LAMA2: variants seen among roughly 807,000 people sequenced by gnomAD.
The protein encoded by LAMA2 is laminin subunit alpha 2.
LAMA2 carries 269 observed loss-of-function variants against 364.8 expected under a neutral mutation model. The observed-to-expected ratio is 0.74, with a 90% CI of 0.67 to 0.82. The LOEUF (loss-of-function observed/expected upper bound fraction) is 0.82, where lower values mean the gene tolerates loss of function less well. Ranked by LOEUF, LAMA2 falls within the 40% of genes least tolerant of loss-of-function variation. The probability of loss-of-function intolerance (pLI) is 0.00; values close to 1 mark genes in which losing one functional copy is unlikely to be tolerated. For synonymous variants in LAMA2, 1,379 were observed against 1,370.6 expected (o/e 1.01, Z -0.14); for missense variants, 3,807 against 3,873.2 (o/e 0.98, Z 0.45).
At chr6:129,315,274 A>T (rs1032204450) in intron 24 of LAMA2, among the ~76,000 whole-genome samples, 1 of 152,176 alleles carries the variant, frequency 6.6e-6, no homozygotes, top group African/African-American at 2.4e-5. Context: ...GTGTCCACAG[A>T]TATTGTGGCT....
At chr6:129,021,518 C>T (rs1785449036) in intron 1 of LAMA2, among the ~76,000 whole-genome samples, 1 of 152,134 alleles carries the variant, frequency 6.6e-6, no homozygotes, top group Non-Finnish European at 1.5e-5. Context: ...AAGAAGCTCT[C>T]ATGTTATTTT....
In LAMA2 at chr6:129,177,707, T is replaced by C; in HGVS notation, c.1308T>C (p.Gly436=). The C allele has an allele frequency of 6.2e-7, 1 of 1,613,912 alleles. No individual in the cohort carries two copies. Among genetic ancestry groups the C allele is most frequent in the Non-Finnish European group, 8.5e-7 (1 of 1,179,890 alleles). The change falls in exon 10 of 65, where the codon GGT becomes GGC. Residue 436 remains glycine (G), a splice_region_variant and synonymous_variant. Coordinates refer to ENST00000421865, the MANE Select transcript of LAMA2 (RefSeq NM_000426.4). ...CVKDEKHARR[G]LAPGSCHCKT... ...GATATGTGGCTCATCTTTCTTTAGG[T>C]TTGGCACCTGGATCCTGTCATTGCA...
At chr6:128,995,915 G>T (rs1444567005) in intron 1 of LAMA2, among the ~76,000 whole-genome samples, 2 of 152,076 alleles carry the variant, frequency 1.3e-5, no homozygotes, top group African/African-American at 4.8e-5. Flanking sequence ...TTTTTGACAG[G>T]TATATAGTCA....
rs780228051 is a variant in LAMA2 at position 129,438,678 on chromosome 6, A to G, written c.6001A>G (p.Arg2001Gly). ...NEDHLNGLKTRIENADARNGD... is the reference protein window; with the variant it reads ...NEDHLNGLKTGIENADARNGD... ...AGACCATCTAAATGGCTTAAAAACCAGGATAGAAAATGCTGATGCTAGAAA... is the reference window on the plus strand; with the variant it reads ...AGACCATCTAAATGGCTTAAAAACCGGGATAGAAAATGCTGATGCTAGAAA... Residue 2001 changes from arginine to glycine, a missense_variant, in exon 42 of 65, where the codon AGG (arginine) becomes GGG (glycine). By Grantham distance (125) the Arg-to-Gly change is moderately radical. This residue lies in a region of LAMA2 where 3,333 missense variants were observed against 3,345.7 expected (regional missense o/e 1.00). Transcript: ENST00000421865. 3 of 1,607,894 alleles carry G rather than the reference A, an allele frequency of 1.9e-6. No individual in the cohort carries two copies. The highest frequency in any genetic ancestry group is 2.2e-5 in the East Asian group (1 of 44,736).
At position 129,327,493 on chromosome 6, in the gene LAMA2, T is replaced by C. The variant is rs80128242; in HGVS notation, c.4177-785T>C. On this transcript the variant is annotated intron_variant, in intron 28 of 64. Coordinates refer to ENST00000421865, the MANE Select transcript of LAMA2 (RefSeq NM_000426.4). Reference sequence around the variant, plus strand: ...TGAAAAACTGACTCCTACCTTTTATTCATAAATCAAGCAATGTCTGCAGCT... The same window carrying C: ...TGAAAAACTGACTCCTACCTTTTATCCATAAATCAAGCAATGTCTGCAGCT... Among the ~76,000 whole-genome samples the C allele has an allele frequency of 4.1e-3, 627 of 152,284 alleles. 2 individuals carry two copies. The highest frequency in any genetic ancestry group is 0.014 in the African/African-American group (600 of 41,558).
At chr6:128,890,291 T>A (rs1776374285) in intron 1 of LAMA2, among the ~76,000 whole-genome samples, 1 of 152,170 alleles carries the variant, frequency 6.6e-6, no homozygotes, top group African/African-American at 2.4e-5. Context: ...GCCCAGCAAC[T>A]TGTCAAGGAC....
At chr6:129,316,243 C>A in intron 27 of LAMA2, 72 bp downstream of exon 27, 1 of 1,213,268 alleles carries the variant, frequency 8.2e-7, no homozygotes, top group Non-Finnish European at 1.2e-6. Flanking sequence ...CTACAGATAT[C>A]AGATAAGAAA....
intron 58 of LAMA2, among the ~76,000 whole-genome samples, chr6:129,495,283 G>A: frequency 6.6e-6 from 1 of 152,096 alleles, no homozygotes; most frequent in East Asian, 1.9e-4. Context: ...TTTGAAAATA[G>A]CTAAGTCTTC....
At chr6:129,383,578 GTCA>G (rs1402997117) in intron 35 of LAMA2, among the ~76,000 whole-genome samples, 3 of 152,190 alleles carry the variant, frequency 2.0e-5, no homozygotes, top group African/African-American at 4.8e-5. Flanking sequence ...GCAAGCTAAT[GTCA>G]TCATTCCACT....
intron 40 of LAMA2, among the ~76,000 whole-genome samples, chr6:129,424,350 A>T (rs1781222341): frequency 6.6e-6 from 1 of 151,866 alleles, no homozygotes; most frequent in Non-Finnish European, 1.5e-5. Context: ...CATATCCTCA[A>T]AAGGAAAACA....
intron 42 of LAMA2, among the ~76,000 whole-genome samples, chr6:129,439,825 C>CATATAT (rs5879948): frequency 0.075 from 9,174 of 122,628 alleles, 349 homozygotes; most frequent in African/African-American, 0.08. Flanking sequence ...ATCAATTGGT[C>CATATAT]ATATATATAT....
intron 22 of LAMA2, among the ~76,000 whole-genome samples, chr6:129,305,791 T>G (rs1216715372): frequency 6.6e-6 from 1 of 152,182 alleles, no homozygotes; most frequent in Non-Finnish European, 1.5e-5. Flanking sequence ...ACTTTGCTAT[T>G]TGCTTTTGCT....
intron 12 of LAMA2, among the ~76,000 whole-genome samples, chr6:129,232,297 G>A (rs546403097): frequency 1.3e-5 from 2 of 152,108 alleles, no homozygotes; most frequent in Non-Finnish European, 2.9e-5. Context: ...CTGCTTAAAT[G>A]ACATTACATA....
Position 129,427,764 on chromosome 6 carries a change from C to A in LAMA2, c.5878C>A (p.Arg1960=), listed in dbSNP as rs1009266672. ...HEATKLATGP[R]GLLKEDAKGC... ...TTTCTGTCCACAGGCAACAGGTCCT[C>A]GGGGTTTATTAAAGGAAGATGCCAA... is the stretch of plus-strand genomic sequence containing the variant. Residue 1960 remains arginine (R), a synonymous_variant, in exon 41 of 65, where the codon CGG becomes AGG. Coordinates refer to ENST00000421865, the MANE Select transcript of LAMA2 (RefSeq NM_000426.4). 6.2e-7 allele frequency: 1 copy of A among 1,612,978 alleles called. No homozygotes were observed. The highest frequency in any genetic ancestry group is 1.7e-5 in the Admixed American group (1 of 59,998).
At chr6:128,997,960 G>A (rs1218978681) in intron 1 of LAMA2, among the ~76,000 whole-genome samples, 1 of 152,094 alleles carries the variant, frequency 6.6e-6, no homozygotes, top group African/African-American at 2.4e-5. Context: ...AGCCAGGAAG[G>A]AGAGAGTGAA....
chr6:128,961,669 C>T (rs1351235697), intron 1 of LAMA2, among the ~76,000 whole-genome samples: 1 of 151,730 alleles, frequency 6.6e-6, no homozygotes, highest in African/African-American at 2.4e-5. Context: ...TTGTGCCCAC[C>T]AGATTAAGGG....
Position 129,098,365 on chromosome 6 carries a change from G to A in LAMA2, c.589G>A (p.Val197Ile). 6.2e-7 allele frequency: 1 copy of A among 1,613,504 alleles called. No individual in the cohort carries two copies. Among genetic ancestry groups the A allele is most frequent in the East Asian group, 2.2e-5 (1 of 44,874 alleles). The change falls in exon 4 of 65, where the codon GTC (valine) becomes ATC (isoleucine). Residue 197 changes from valine to isoleucine, a missense_variant. By Grantham distance (29) the Val-to-Ile change is conservative (BLOSUM62 3). Transcript: ENST00000421865. ...GPPSYAKDDE[V>I]ICTSFYSKIH... ...ACCGTCATATGCCAAAGATGATGAGGTCATCTGCACTTCATTTTACTCCAA... is the reference window on the plus strand; with the variant it reads ...ACCGTCATATGCCAAAGATGATGAGATCATCTGCACTTCATTTTACTCCAA...
chr6:129,213,317 T>C (rs892684006), intron 12 of LAMA2, among the ~76,000 whole-genome samples: 5 of 152,224 alleles, frequency 3.3e-5, no homozygotes, highest in African/African-American at 9.6e-5. Context: ...TCTGGCAATA[T>C]GAATCAAGCT....
chr6:129,010,766 C>A (rs1725548755), intron 1 of LAMA2, among the ~76,000 whole-genome samples: 5 of 152,074 alleles, frequency 3.3e-5, no homozygotes, highest in Admixed American at 3.3e-4. Context: ...TGTGTTTCTC[C>A]TGAGGTAAAA....
Sources: allele counts gnomAD v4.1 joint callset (sites outside exome capture counted in the v4.1 genomes callset), GRCh38; gene constraint gnomAD v4.1.1; regional missense constraint gnomAD v4.1.1; transcripts MANE v1.5; gene names NCBI Gene and HGNC (gene_info 2026-07-23, HGNC 2026-07-21).